Variants in TNPO3 observed in about 807,000 individuals in gnomAD.
TNPO3 encodes the protein transportin-3.
A neutral mutation model predicts 122.8 loss-of-function variants in TNPO3; 65 were observed. The ratio of observed to expected loss-of-function variants is 0.53; its 90% CI spans 0.43 to 0.65. TNPO3 has a LOEUF of 0.65. Among genes scored for constraint, TNPO3 ranks in the 30% least tolerant of loss-of-function variants. TNPO3 has a pLI of 0.00. For synonymous variants in TNPO3, 372 were observed against 411.2 expected (o/e 0.90, Z 1.15); for missense variants, 850 against 1,136.7 (o/e 0.75, Z 3.63).
intron 5 of TNPO3, among the ~76,000 whole-genome samples, chr7:129,003,010 AG>A (rs1802131829): frequency 1.5e-5 from 2 of 132,300 alleles, no homozygotes; most frequent in Admixed American, 1.7e-4. Context: ...ACTGCACTCC[AG>A]CCCCGGCGAC....
At chr7:128,995,082 G>A (rs559265100) in intron 8 of TNPO3, among the ~76,000 whole-genome samples, 1 of 152,284 alleles carries the variant, frequency 6.6e-6, no homozygotes, top group Non-Finnish European at 1.5e-5. Flanking sequence ...TTACAGATGT[G>A]AGCCCAGCCC....
chr7:128,957,842 T>C (rs1238124174), intron 21 of TNPO3, among the ~76,000 whole-genome samples: 1 of 152,190 alleles, frequency 6.6e-6, no homozygotes, highest in Non-Finnish European at 1.5e-5. Flanking sequence ...AGTCATTGAT[T>C]TTCTAGTTGA....
intron 21 of TNPO3, among the ~76,000 whole-genome samples, chr7:128,963,102 G>A (rs1050332365): frequency 4.6e-5 from 7 of 152,136 alleles, no homozygotes; most frequent in African/African-American, 1.7e-4. Context: ...CAAGGAGAAA[G>A]GAGTTAACAT....
At position 128,984,321 on chromosome 7, in the gene TNPO3, C is replaced by T; in HGVS notation, c.1691-62G>A. Reference sequence around the variant, plus strand: ...GCTGAATTGAGGTAACTTAACTGGACTACATCATGTGAGTGACCAGAAAAA... The same window carrying T: ...GCTGAATTGAGGTAACTTAACTGGATTACATCATGTGAGTGACCAGAAAAA... On this transcript the variant is annotated intron_variant, in intron 12 of 22. Coordinates refer to ENST00000265388, the MANE Select transcript of TNPO3 (RefSeq NM_012470.4). 2.6e-6 allele frequency: 3 copies of T among 1,175,950 alleles called. No individual in the cohort carries two copies. The South Asian group carries it at 4.0e-5, about 16-fold the overall frequency. 72.8% of individuals were successfully genotyped at this position (1,175,950 alleles called of 1,614,324 possible).
chr7:128,964,210 A>C (rs1378053539), intron 21 of TNPO3, among the ~76,000 whole-genome samples: 1 of 152,162 alleles, frequency 6.6e-6, no homozygotes, highest in African/African-American at 2.4e-5. Flanking sequence ...AGATTTCAAT[A>C]CTACTCAAAG....
chr7:129,004,957 C>A (rs1802406054), intron 5 of TNPO3, 59 bp downstream of exon 5: 1 of 1,544,668 alleles, frequency 6.5e-7, no homozygotes, highest in Non-Finnish European at 8.8e-7. Context: ...TATGTCCCAG[C>A]AGGTTAGTTA....
At chr7:128,974,822 G>A (rs1455420465) in intron 18 of TNPO3, 46 bp downstream of exon 18, 1 of 1,468,672 alleles carries the variant, frequency 6.8e-7, no homozygotes, top group African/African-American at 1.4e-5. Context: ...AGACTAAGCA[G>A]TGATAGGATG....
intron 1 of TNPO3, among the ~76,000 whole-genome samples, chr7:129,039,904 G>A (rs576774985): frequency 2.0e-5 from 3 of 152,188 alleles, no homozygotes; most frequent in African/African-American, 7.2e-5. Flanking sequence ...ATTAGTAGCT[G>A]CCTAGCAATG....
intron 21 of TNPO3, among the ~76,000 whole-genome samples, chr7:128,965,315 T>C (rs1797831703): frequency 6.6e-6 from 1 of 152,098 alleles, no homozygotes; most frequent in African/African-American, 2.4e-5. Flanking sequence ...AAATGGCCAA[T>C]AAGCATATGA....
intron 20 of TNPO3, 86 bp downstream of exon 20, chr7:128,970,062 G>T: frequency 6.5e-7 from 1 of 1,546,892 alleles, no homozygotes; most frequent in Non-Finnish European, 8.9e-7. Context: ...AACAGGGCTA[G>T]TTTCAAAATT....
chr7:128,956,922 A>G (rs1025643701), intron 22 of TNPO3, among the ~76,000 whole-genome samples: 4 of 152,234 alleles, frequency 2.6e-5, no homozygotes, highest in Non-Finnish European at 5.9e-5. Context: ...ATGTACACTT[A>G]CCATCTTAGA....
intron 11 of TNPO3, among the ~76,000 whole-genome samples, chr7:128,988,130 AAGCCC>A (rs1266932006): frequency 1.3e-5 from 2 of 152,084 alleles, no homozygotes; most frequent in Non-Finnish European, 2.9e-5. Flanking sequence ...ATGCGCCACC[AAGCCC>A]AGCTAATTTT....
At chr7:129,053,657 G>A (rs1448586041) in intron 1 of TNPO3, among the ~76,000 whole-genome samples, 1 of 152,010 alleles carries the variant, frequency 6.6e-6, no homozygotes, top group Non-Finnish European at 1.5e-5. Context: ...TAAAGGGAAG[G>A]GGGCCAAAAA....
Position 128,974,964 on chromosome 7 carries a change from TAAAAC to T in TNPO3, c.2179-7_2179-3del. Reference sequence around the variant, plus strand: ...CTGAAAGGTGGGGATGCACAGTGCCTAAAACAAAACAGTGATTTTAAAAGAAATGC... The same window carrying T: ...CTGAAAGGTGGGGATGCACAGTGCCTAAAACAGTGATTTTAAAAGAAATGC... On this transcript the variant is annotated splice_polypyrimidine_tract_variant and splice_region_variant and intron_variant, in intron 17 of 22. Coordinates refer to ENST00000265388, the MANE Select transcript of TNPO3 (RefSeq NM_012470.4). The T allele has an allele frequency of 6.2e-7, 1 of 1,612,946 alleles. No homozygotes were observed. Among genetic ancestry groups the T allele is most frequent in the Non-Finnish European group, 8.5e-7 (1 of 1,179,024 alleles).
intron 10 of TNPO3, among the ~76,000 whole-genome samples, chr7:128,991,335 T>G (rs893519925): frequency 1.3e-5 from 2 of 152,134 alleles, no homozygotes; most frequent in African/African-American, 4.8e-5. Flanking sequence ...ATCTCTCCAA[T>G]CAAGACTGAA....
At chr7:128,992,792 A>AACGAT (rs1554438539) in intron 9 of TNPO3, among the ~76,000 whole-genome samples, 2 of 151,386 alleles carry the variant, frequency 1.3e-5, no homozygotes, top group Non-Finnish European at 3.0e-5. Flanking sequence ...AATTTTAATT[A>AACGAT]ATAACTTTTT....
intron 1 of TNPO3, among the ~76,000 whole-genome samples, chr7:129,048,036 C>T (rs570300882): frequency 6.6e-6 from 1 of 152,270 alleles, no homozygotes; most frequent in African/African-American, 2.4e-5. Flanking sequence ...GCCTGGGCAA[C>T]ATGGCAAGAC....
Position 129,017,140 on chromosome 7 carries a change from T to G in TNPO3, c.322-84A>C, listed in dbSNP as rs972022642. The stretch of plus-strand genomic sequence containing the variant: ...TATTAATTGGGAAGCAAAGAAACAT[T>G]TCTTCCAAACAATATGACAACTAAG... On this transcript the variant is annotated intron_variant, in intron 2 of 22. Coordinates refer to ENST00000265388, the MANE Select transcript of TNPO3 (RefSeq NM_012470.4). 9.0e-5 allele frequency: 119 copies of G among 1,320,566 alleles called. 1 individual carries two copies. In the South Asian group the frequency reaches 1.1e-3, roughly 13 times the overall value. The allele number at this position is 1,320,566 out of a possible 1,614,324, so 81.8% of individuals were successfully genotyped here.
At chr7:129,048,701 T>C (rs1428235249) in intron 1 of TNPO3, among the ~76,000 whole-genome samples, 1 of 151,308 alleles carries the variant, frequency 6.6e-6, no homozygotes. Flanking sequence ...TTAAAGGTGC[T>C]GAATATTGTT....
Sources: gnomAD v4.1 joint callset for allele counts (sites outside exome capture counted in the v4.1 genomes callset) on GRCh38, gnomAD v4.1.1 for gene constraint, MANE v1.5 for transcripts, NCBI Gene and HGNC (gene_info 2026-07-23, HGNC 2026-07-21) for gene names.